Variants in PLAG1 observed in about 807,000 individuals in gnomAD.
The protein encoded by PLAG1 is zinc finger protein PLAG1.
In PLAG1, 7 loss-of-function variants were observed where a neutral mutation model predicts 35.5. The observed-to-expected ratio is 0.20, with a 90% CI of 0.11 to 0.37. PLAG1 has a LOEUF of 0.37. PLAG1 is among the 10% of genes least tolerant of loss of function. The pLI is 1.00. For synonymous variants in PLAG1, 229 were observed against 225.4 expected (o/e 1.02, Z -0.14); for missense variants, 454 against 602.8 (o/e 0.75, Z 2.58).
At position 56,166,911 on chromosome 8, in the gene PLAG1, A is replaced by T. The variant is rs1453275260; in HGVS notation, c.835T>A (p.Ser279Thr). Residue 279 changes from serine (S) to threonine (T), a missense_variant, in exon 5 of 5, where the codon TCA (serine) becomes ACA (threonine). Around this residue, in one of 4 missense-constraint regions of PLAG1, gnomAD observed 271 missense variants for 315.6 expected, o/e 0.86. Transcript: ENST00000316981. ...VMSLPSSELL[S>T]KPFTNTLQLN... ...TGCAAAGTGTTTGTGAATGGCTTTG[A>T]TAACAGTTCACTGGAAGGTAAGGAC... is the stretch of plus-strand genomic sequence containing the variant. 8 of 1,613,984 alleles carry T rather than the reference A, an allele frequency of 5.0e-6. No individual in the cohort carries two copies. The highest frequency in any genetic ancestry group is 5.9e-6 in the Non-Finnish European group (7 of 1,179,992).
At chr8:56,205,575 T>C (rs1332074228) in intron 1 of PLAG1, among the ~76,000 whole-genome samples, 1 of 151,954 alleles carries the variant, frequency 6.6e-6, no homozygotes, top group Non-Finnish European at 1.5e-5. Context: ...TCACATAAGA[T>C]GAATTTTTAA....
At chr8:56,170,441 A>G (rs1437992097) in intron 3 of PLAG1, among the ~76,000 whole-genome samples, 2 of 152,220 alleles carry the variant, frequency 1.3e-5, no homozygotes, top group East Asian at 3.8e-4. Flanking sequence ...ATGACACTAT[A>G]AACTGGTATA....
intron 1 of PLAG1, among the ~76,000 whole-genome samples, chr8:56,181,670 T>G (rs1048059024): frequency 2.6e-5 from 4 of 152,150 alleles, no homozygotes; most frequent in African/African-American, 9.7e-5. Context: ...TGTATACCTA[T>G]GTAACAAACC....
chr8:56,175,186 A>G (rs1811649137), intron 2 of PLAG1, among the ~76,000 whole-genome samples: 1 of 152,264 alleles, frequency 6.6e-6, no homozygotes, highest in Non-Finnish European at 1.5e-5. Context: ...TTATCTAAAA[A>G]TACTTATTTT....
chr8:56,201,528 G>A (rs894260414), intron 1 of PLAG1, among the ~76,000 whole-genome samples: 1 of 152,072 alleles, frequency 6.6e-6, no homozygotes, highest in Non-Finnish European at 1.5e-5. Context: ...GAATTACTCT[G>A]TCAACTCTAT....
chr8:56,166,340 G>C lies in PLAG1; in HGVS notation c.1406C>G (p.Thr469Ser). ...TGAGTGCAGAGACCCAAGCCCTATA[G>C]TGTTTGCAGGATCCTGAAGATCCTG... ...QTQDLQDPAN[T>S]IGLGSLHSLS... Residue 469 changes from threonine to serine, a missense_variant, in exon 5 of 5, where the codon ACT becomes AGT. Coordinates refer to ENST00000316981, the MANE Select transcript of PLAG1 (RefSeq NM_002655.3). The C allele has an allele frequency of 3.1e-6, 5 of 1,613,888 alleles. No individual in the cohort carries two copies. The highest frequency in any genetic ancestry group is 4.2e-6 in the Non-Finnish European group (5 of 1,179,814).
intron 1 of PLAG1, among the ~76,000 whole-genome samples, chr8:56,188,281 C>T (rs996294131): frequency 2.6e-5 from 4 of 152,064 alleles, no homozygotes; most frequent in African/African-American, 7.2e-5. Context: ...GGGGAAGATG[C>T]AGGGAGGGGA....
intron 1 of PLAG1, among the ~76,000 whole-genome samples, chr8:56,197,748 T>C (rs1812426220): frequency 6.6e-6 from 1 of 152,190 alleles, no homozygotes; most frequent in African/African-American, 2.4e-5. Flanking sequence ...TGTGTCTGTC[T>C]TTCTTTGGAG....
chr8:56,179,023 CAAAAAAAAA>C (rs1173709224), intron 2 of PLAG1, among the ~76,000 whole-genome samples: 3 of 42,944 alleles, frequency 7.0e-5, no homozygotes, highest in Non-Finnish European at 8.8e-5. Context: ...GCCCAGGAGA[CAAAAAAAAA>C]AAAAAAAAAA....
chr8:56,210,208 G>A (rs1383555811), intron 1 of PLAG1, among the ~76,000 whole-genome samples: 1 of 152,180 alleles, frequency 6.6e-6, no homozygotes, highest in East Asian at 1.9e-4. Flanking sequence ...GACTTCAGGG[G>A]AAAGGCGGTA....
rs545101008 is a variant in PLAG1, at chr8:56,169,295, T to C, written c.-117-909A>G. ...GGCACACAACACATCATCAAAGAGG[T>C]GTTTAAGGTTGGTAAAAAGGTGTGT... On this transcript the variant is annotated intron_variant, in intron 3 of 4. Transcript: ENST00000316981. 1.1e-4 allele frequency among the ~76,000 whole-genome samples: 16 copies of C among 152,068 alleles called. No individual in the cohort carries two copies. In the South Asian group the frequency reaches 1.9e-3, roughly 18 times the overall value.
At chr8:56,178,973 C>G (rs937665779) in intron 2 of PLAG1, among the ~76,000 whole-genome samples, 1 of 134,898 alleles carries the variant, frequency 7.4e-6, no homozygotes, top group Non-Finnish European at 1.5e-5. Context: ...GTGAGCAAGT[C>G]TAATCCCCCT....
chr8:56,162,099 T>G lies in PLAG1; in HGVS notation c.*4144A>C, dbSNP rs1272821528. ...GGTTTTTAGCACAAAACTGCACAAC[T>G]TATGTAGATCTATGTGATCACAACA... On this transcript the variant is annotated 3_prime_UTR_variant, in exon 5 of 5. Transcript: ENST00000316981. The G allele has an allele frequency of 8.8e-6, 2 of 227,244 alleles. No homozygotes were observed. The highest frequency in any genetic ancestry group is 1.8e-5 in the Non-Finnish European group (2 of 114,204). The allele number at this position is 227,244 out of a possible 1,614,324, so 14.1% of individuals were successfully genotyped here.
At chr8:56,174,280 C>T (rs1335975477) in intron 2 of PLAG1, among the ~76,000 whole-genome samples, 1 of 152,042 alleles carries the variant, frequency 6.6e-6, no homozygotes, top group African/African-American at 2.4e-5. Flanking sequence ...GTATGAAACA[C>T]AAGAGAGTTC....
chr8:56,189,608 A>G (rs1220112460), intron 1 of PLAG1, among the ~76,000 whole-genome samples: 1 of 152,244 alleles, frequency 6.6e-6, no homozygotes, highest in Non-Finnish European at 1.5e-5. Flanking sequence ...CTCATAATTT[A>G]TAATTATTGA....
intron 1 of PLAG1, among the ~76,000 whole-genome samples, chr8:56,203,481 A>G (rs1346824952): frequency 6.6e-6 from 1 of 152,134 alleles, no homozygotes; most frequent in Non-Finnish European, 1.5e-5. Context: ...AAATAAACTG[A>G]GCAAATTACA....
At chr8:56,180,781 T>C (rs1017874705) in intron 1 of PLAG1, among the ~76,000 whole-genome samples, 7 of 152,080 alleles carry the variant, frequency 4.6e-5, no homozygotes, top group African/African-American at 1.7e-4. Flanking sequence ...AGGCAACCTA[T>C]AGAACGGCAG....
chr8:56,177,173 G>A (rs987147824), intron 2 of PLAG1, among the ~76,000 whole-genome samples: 2 of 152,180 alleles, frequency 1.3e-5, no homozygotes, highest in Non-Finnish European at 2.9e-5. Context: ...TGGCATAAAT[G>A]TTGTGTATGT....
intron 4 of PLAG1, 27 bp downstream of exon 4, chr8:56,168,001 A>G: frequency 8.1e-7 from 1 of 1,227,332 alleles, no homozygotes; most frequent in East Asian, 2.4e-5. Context: ...AGAAAATATA[A>G]TCTGAAAGAC....
Sources: gnomAD v4.1 joint callset for allele counts (sites outside exome capture counted in the v4.1 genomes callset) on GRCh38, gnomAD v4.1.1 for gene constraint, gnomAD v4.1.1 regional missense constraint, MANE v1.5 for transcripts, NCBI Gene and HGNC (gene_info 2026-07-23, HGNC 2026-07-21) for gene names.